The following MYH11 variants were observed in gnomAD, a reference collection of about 807,000 sequenced individuals.
MYH11 encodes the protein myosin-11.
A neutral mutation model predicts 246.6 loss-of-function variants in MYH11; 80 were observed. The ratio of observed to expected loss-of-function variants is 0.32; its 90% CI spans 0.27 to 0.39. The LOEUF is 0.39. Among genes scored for constraint, MYH11 ranks in the 10% least tolerant of loss-of-function variants. The pLI, the probability that MYH11 is intolerant of heterozygous loss-of-function variation, is 1.00. For missense variants in MYH11, 2,158 were observed against 2,546.8 expected (o/e 0.85, Z 3.29); for synonymous variants, 1,071 against 1,015.5 (o/e 1.05, Z -1.04).
chr16:15,784,180 C>T (rs2042416192), intron 5 of MYH11, among the ~76,000 whole-genome samples: 1 of 151,996 alleles, frequency 6.6e-6, no homozygotes, highest in Non-Finnish European at 1.5e-5. Flanking sequence ...ACACGCACTG[C>T]ACACGCATGC....
Position 15,750,028 on chromosome 16 carries a change from A to G in MYH11, c.2058+110T>C. The G allele has an allele frequency of 1.5e-6, 2 of 1,326,260 alleles. No individual in the cohort carries two copies. The highest frequency in any genetic ancestry group is 2.1e-6 in the Non-Finnish European group (2 of 943,252). The allele number at this position is 1,326,260 out of a possible 1,614,324, so 82.2% of individuals were successfully genotyped here. ...GATTCAGATAGCCTTCCCCACATGGAAAATGGGGTCCTCGGGGTAGGTGGG... is the reference window on the plus strand; with the variant it reads ...GATTCAGATAGCCTTCCCCACATGGGAAATGGGGTCCTCGGGGTAGGTGGG... On this transcript the variant is annotated intron_variant, in intron 16 of 40. Transcript: ENST00000300036. The surrounding 1 kb of genome is among the most constrained non-coding windows in gnomAD (Gnocchi z 4.3).
chr16:15,764,251 G>C (rs922020481), intron 9 of MYH11, among the ~76,000 whole-genome samples: 14 of 152,112 alleles, frequency 9.2e-5, no homozygotes, highest in Non-Finnish European at 1.6e-4. Context: ...GCCTACAAAG[G>C]CTAAAGAATT....
rs376999218 is a variant in MYH11, at chr16:15,776,127, T to C, written c.840A>G (p.Thr280=). The C allele has an allele frequency of 1.2e-6, 2 of 1,614,060 alleles. No homozygotes were observed. The highest frequency in any genetic ancestry group is 1.3e-5 in the African/African-American group (1 of 74,940). ...CAATCATGTAGTAAAAGATGTGGAATGTCCTCTCGTCTCTGGCTTGGCGAA... is the reference window on the plus strand; with the variant it reads ...CAATCATGTAGTAAAAGATGTGGAACGTCCTCTCGTCTCTGGCTTGGCGAA... ...RAIRQARDER[T]FHIFYYMIAG... Residue 280 remains threonine, a synonymous_variant, in exon 8 of 41, where the codon ACA becomes ACG. Transcript: ENST00000300036.
chr16:15,705,744 G>A (rs1003215547), intron 40 of MYH11, among the ~76,000 whole-genome samples: 3 of 152,092 alleles, frequency 2.0e-5, no homozygotes, highest in African/African-American at 7.2e-5. Context: ...CACTTTGGGA[G>A]GCTGAGGCGG....
At chr16:15,825,837 G>C (rs768657838) in intron 2 of MYH11, among the ~76,000 whole-genome samples, 4 of 151,850 alleles carry the variant, frequency 2.6e-5, no homozygotes, top group Non-Finnish European at 4.4e-5. Flanking sequence ...CAGTTCAGGA[G>C]ACAGGCTCCA....
intron 40 of MYH11, among the ~76,000 whole-genome samples, chr16:15,707,238 T>C (rs1014411423): frequency 2.6e-5 from 4 of 152,184 alleles, no homozygotes; most frequent in South Asian, 2.1e-4. Context: ...GGTTTTACCA[T>C]GTTGGCCAGG....
At chr16:15,817,229 T>C (rs555957546) in intron 3 of MYH11, among the ~76,000 whole-genome samples, 2 of 152,276 alleles carry the variant, frequency 1.3e-5, no homozygotes, top group African/African-American at 4.8e-5. Context: ...CAGTGGCTCA[T>C]GCCTGTAATC....
chr16:15,798,626 AAAAAAAAAC>A lies in MYH11; in HGVS notation c.530+25_530+33del, dbSNP rs781316214. The A allele has an allele frequency of 2.6e-6, 4 of 1,568,314 alleles. No homozygotes were observed. The African/African-American group carries it at 4.3e-5, about 17-fold the overall frequency. ...TACAGATTAAAAAAAAAAAAAAACA[AAAAAAAAAC>A]AGAAGAAAAAGCAGTTCCACTTACG... On this transcript the variant is annotated intron_variant, in intron 4 of 40. Coordinates refer to ENST00000300036, the MANE Select transcript of MYH11 (RefSeq NM_002474.3).
At chr16:15,746,058 G>A (rs747758393) in intron 19 of MYH11, among the ~76,000 whole-genome samples, 15 of 151,042 alleles carry the variant, frequency 9.9e-5, no homozygotes, top group African/African-American at 2.7e-4. Context: ...TTGGGACTAC[G>A]GGCACATGCT....
intron 1 of MYH11, among the ~76,000 whole-genome samples, chr16:15,842,842 T>G (rs1280349632): frequency 6.9e-6 from 1 of 145,280 alleles, no homozygotes; most frequent in African/African-American, 2.6e-5. Context: ...ACTTCAGATA[T>G]CCAGAAAGAG....
At position 15,756,521 on chromosome 16, in the gene MYH11, G is replaced by C. The variant is rs767722250; in HGVS notation, c.1576-7C>G. The C allele has an allele frequency of 6.2e-7, 1 of 1,614,156 alleles. No homozygotes were observed. The highest frequency in any genetic ancestry group is 8.5e-7 in the Non-Finnish European group (1 of 1,180,040). On this transcript the variant is annotated splice_region_variant and splice_polypyrimidine_tract_variant and intron_variant, in intron 13 of 40. Coordinates refer to ENST00000300036, the MANE Select transcript of MYH11 (RefSeq NM_002474.3). ...GCACACCTGGAGGGTTGTTCTGTGG[G>C]AGACAAGTAGGGCTTGAATCAGAGA... is the stretch of plus-strand genomic sequence containing the variant.
At chr16:15,797,558 T>A (rs1024031587) in intron 4 of MYH11, among the ~76,000 whole-genome samples, 3 of 148,232 alleles carry the variant, frequency 2.0e-5, no homozygotes, top group African/African-American at 7.3e-5. Context: ...TATATAAATA[T>A]AAATATATTA....
At chr16:15,845,707 T>TGA (rs139852565) in intron 1 of MYH11, among the ~76,000 whole-genome samples, 7 of 103,346 alleles carry the variant, frequency 6.8e-5, no homozygotes, top group Admixed American at 9.6e-5. Context: ...TGTGTGTGTG[T>TGA]GAGAGAGAGA....
rs1567712736 is a variant in MYH11 at position 15,735,431 on chromosome 16, C to T, written c.3441G>A (p.Glu1147=). 11 of 1,614,126 alleles carry T rather than the reference C, an allele frequency of 6.8e-6. No homozygotes were observed. The highest frequency in any genetic ancestry group is 8.5e-6 in the Non-Finnish European group (10 of 1,180,042). Residue 1147 remains glutamate, a synonymous_variant, in exon 26 of 41, where the codon GAG becomes GAA. Transcript: ENST00000300036. ...CCAGCTCTGTCTTTAGGGCCTCCAG[C>T]TCCTCGCCGAGGTCTCGCTTCTGCT... ...AEKQKRDLGE[E]LEALKTELED...
intron 31 of MYH11, 28 bp from the exon 32 acceptor site, chr16:15,721,662 C>T (rs1422528272): frequency 5.6e-6 from 9 of 1,611,584 alleles, no homozygotes; most frequent in African/African-American, 2.7e-5. Flanking sequence ...GAGGTGACTT[C>T]TAGGCATATC....
At chr16:15,856,080 G>A (rs1418716005) in intron 1 of MYH11, among the ~76,000 whole-genome samples, 1 of 152,196 alleles carries the variant, frequency 6.6e-6, no homozygotes, top group Non-Finnish European at 1.5e-5. Flanking sequence ...TTGGGCACGA[G>A]AGTGGCATTG....
chr16:15,718,108 C>A, intron 37 of MYH11: 1 of 762,524 alleles, frequency 1.3e-6, no homozygotes, highest in South Asian at 1.8e-5. Context: ...AAATGAGACA[C>A]TGCAGCGTGG....
At chr16:15,714,804 G>A in intron 40 of MYH11, 105 bp downstream of exon 40, 21 of 1,366,030 alleles carry the variant, frequency 1.5e-5, no homozygotes, top group Non-Finnish European at 2.2e-5. Flanking sequence ...GAAGGGAGTG[G>A]CGGCTGTGGG....
At position 15,732,338 on chromosome 16, in the gene MYH11, G is replaced by A. The variant is rs138649508; in HGVS notation, c.3651+226C>T. The A allele has an allele frequency of 4.5e-3, 2,858 of 630,816 alleles. 35 individuals are homozygous for A. Among genetic ancestry groups the A allele is most frequent in the African/African-American group, 0.028 (1,549 of 54,832 alleles). 39.1% of individuals were successfully genotyped at this position (630,816 alleles called of 1,614,324 possible). A position where few individuals can be genotyped will look rare whatever the true frequency, so the allele number is the denominator to read the frequency against. ...TGGTCTCCAACTCCTGAGCTCAAGC[G>A]ATCCTCCCGCCTCAGCCTCCCCAAG... On this transcript the variant is annotated intron_variant, in intron 27 of 40. Transcript: ENST00000300036.
Sources: gnomAD v4.1 joint callset for allele counts (sites outside exome capture counted in the v4.1 genomes callset) on GRCh38, gnomAD v4.1.1 for gene constraint, Gnocchi (gnomAD v3.1) non-coding constraint, MANE v1.5 for transcripts, NCBI Gene and HGNC (gene_info 2026-07-23, HGNC 2026-07-21) for gene names.